The following CSMD1 variants were observed in gnomAD, a reference collection of about 807,000 sequenced individuals.
CSMD1 encodes the protein CUB and sushi domain-containing protein 1.
Under a neutral mutation model 417.5 loss-of-function variants are expected in CSMD1, and 213 were observed. The observed-to-expected ratio is 0.51, with a 90% CI of 0.46 to 0.57. The LOEUF is 0.57. CSMD1 is among the 20% of genes least tolerant of loss of function. CSMD1 has a pLI of 0.00. For synonymous variants in CSMD1, 2,862 were observed against 1,736.8 expected (o/e 1.65, Z -16.11); for missense variants, 6,923 against 4,529.7 (o/e 1.53, Z -15.17).
At chr8:4,843,004 T>C (rs764408538) in intron 1 of CSMD1, among the ~76,000 whole-genome samples, 1 of 152,306 alleles carries the variant, frequency 6.6e-6, no homozygotes, top group South Asian at 2.1e-4. Flanking sequence ...TCATCTAACA[T>C]GCTACTCCAG....
At chr8:4,049,521 C>G (rs57873425) in intron 3 of CSMD1, among the ~76,000 whole-genome samples, 5,749 of 151,892 alleles carry the variant, frequency 0.038, 349 homozygotes, top group African/African-American at 0.12. Flanking sequence ...GGAATCTACA[C>G]TTTGGTCTCT....
intron 3 of CSMD1, among the ~76,000 whole-genome samples, chr8:4,419,337 T>A (rs936687245): frequency 6.6e-6 from 1 of 152,166 alleles, no homozygotes; most frequent in South Asian, 2.1e-4. Flanking sequence ...ACCTAATACT[T>A]GAAATGATAA....
In CSMD1 at chr8:3,601,705, T is replaced by C. The variant is rs113446114; in HGVS notation, c.1097+15005A>G. ...TAATATGCAGAAGAGTTATCAACTA[T>C]AGGAACAATATTAAAGCAGTGAACA... On this transcript the variant is annotated intron_variant, in intron 8 of 69. Transcript: ENST00000635120. Among the ~76,000 whole-genome samples the C allele has an allele frequency of 4.1e-3, 625 of 152,312 alleles. 6 individuals carry two copies. The highest frequency in any genetic ancestry group is 0.014 in the African/African-American group (594 of 41,562).
chr8:4,674,882 G>A lies in CSMD1; in HGVS notation c.86-37324C>T, dbSNP rs1386619101. Reference sequence around the variant, plus strand: ...TGATTAGCTTTACATGACGTTAGAAGGTGGAGACTCTCATGATGGCATTAG... The same window carrying A: ...TGATTAGCTTTACATGACGTTAGAAAGTGGAGACTCTCATGATGGCATTAG... On this transcript the variant is annotated intron_variant, in intron 1 of 69. Transcript: ENST00000635120. Among the ~76,000 whole-genome samples the A allele has an allele frequency of 3.3e-5, 5 of 152,250 alleles. No individual in the cohort carries two copies. In the East Asian group the frequency reaches 9.7e-4, roughly 29 times the overall value.
intron 3 of CSMD1, among the ~76,000 whole-genome samples, chr8:4,353,624 C>G (rs534356560): frequency 6.6e-6 from 1 of 152,128 alleles, no homozygotes; most frequent in East Asian, 1.9e-4. Flanking sequence ...AGAGCAGAGT[C>G]ACGCCCAACG....
intron 23 of CSMD1, among the ~76,000 whole-genome samples, chr8:3,319,798 G>A (rs973395655): frequency 5.3e-5 from 8 of 152,114 alleles, no homozygotes; most frequent in African/African-American, 1.9e-4. Context: ...CATTAGTAGT[G>A]TAGGTTTCTC....
intron 3 of CSMD1, among the ~76,000 whole-genome samples, chr8:4,037,762 C>T (rs1797694032): frequency 6.6e-6 from 1 of 152,028 alleles, no homozygotes; most frequent in Non-Finnish European, 1.5e-5. Context: ...CTGCAAACAG[C>T]CGTTAATAGT....
intron 2 of CSMD1, among the ~76,000 whole-genome samples, chr8:4,452,108 G>A (rs1392941690): frequency 3.3e-5 from 5 of 152,124 alleles, no homozygotes; most frequent in Admixed American, 1.3e-4. Context: ...AGGGCAGTGT[G>A]ATGCTTCCAG....
chr8:4,637,675 T>TGAGACAGAG, intron 1 of CSMD1, 117 bp from the exon 2 acceptor site: 1 of 569,360 alleles, frequency 1.8e-6, no homozygotes. Flanking sequence ...TTTTTTTTTT[T>TGAGACAGAG]TTTTTTGAGA....
At chr8:4,930,538 C>T (rs144762646) in intron 1 of CSMD1, among the ~76,000 whole-genome samples, 6 of 152,268 alleles carry the variant, frequency 3.9e-5, no homozygotes, top group Non-Finnish European at 7.4e-5. Flanking sequence ...AAGCCAATTC[C>T]TTGCAGCAGC....
chr8:3,838,405 TATA>T (rs1802844908), intron 5 of CSMD1, among the ~76,000 whole-genome samples: 1 of 135,480 alleles, frequency 7.4e-6, no homozygotes. Context: ...AGCCTATATA[TATA>T]GAGAGAGACT....
chr8:4,323,341 A>C (rs1043102496), intron 3 of CSMD1, among the ~76,000 whole-genome samples: 1 of 152,164 alleles, frequency 6.6e-6, no homozygotes, highest in Non-Finnish European at 1.5e-5. Flanking sequence ...AAATTCATGA[A>C]AAGTGAGAAA....
chr8:3,014,589 A>T (rs1808679316), intron 52 of CSMD1, among the ~76,000 whole-genome samples: 1 of 152,262 alleles, frequency 6.6e-6, no homozygotes, highest in African/African-American at 2.4e-5. Context: ...AGAACTCTGA[A>T]GTTCTCTTTT....
chr8:3,654,099 G>A (rs1297233778), intron 7 of CSMD1, among the ~76,000 whole-genome samples: 1 of 152,138 alleles, frequency 6.6e-6, no homozygotes, highest in Non-Finnish European at 1.5e-5. Flanking sequence ...TTAGAGTAGA[G>A]GGTGTTGTCA....
intron 3 of CSMD1, among the ~76,000 whole-genome samples, chr8:4,394,397 T>G (rs1423466215): frequency 6.6e-6 from 1 of 152,354 alleles, no homozygotes; most frequent in Non-Finnish European, 1.5e-5. Flanking sequence ...AATGGTTTTC[T>G]TAGAACACAA....
intron 6 of CSMD1, among the ~76,000 whole-genome samples, chr8:3,727,550 G>C (rs935441538): frequency 6.6e-6 from 1 of 152,184 alleles, no homozygotes; most frequent in African/African-American, 2.4e-5. Flanking sequence ...TGAAAAAACA[G>C]TATGGAAGTT....
At chr8:4,449,750 C>T (rs866214586) in intron 2 of CSMD1, among the ~76,000 whole-genome samples, 2 of 151,932 alleles carry the variant, frequency 1.3e-5, no homozygotes, top group African/African-American at 2.4e-5. Flanking sequence ...GAAAGAGAAA[C>T]AATGGTGGCA....
intron 12 of CSMD1, among the ~76,000 whole-genome samples, chr8:3,447,457 G>C (rs1815373231): frequency 6.6e-6 from 1 of 152,170 alleles, no homozygotes; most frequent in Admixed American, 6.5e-5. Flanking sequence ...AAAATGAAAA[G>C]TATTTAGGGT....
At chr8:4,468,726 G>A (rs1410871043) in intron 2 of CSMD1, among the ~76,000 whole-genome samples, 2 of 152,154 alleles carry the variant, frequency 1.3e-5, no homozygotes, top group Admixed American at 6.6e-5. Context: ...ACATTGCTTA[G>A]GGAGAGCCTA....
Sources: gnomAD v4.1 joint callset for allele counts (sites outside exome capture counted in the v4.1 genomes callset) on GRCh38, gnomAD v4.1.1 for gene constraint, MANE v1.5 for transcripts, NCBI Gene and HGNC (gene_info 2026-07-23, HGNC 2026-07-21) for gene names.